PTPRZ1: variants seen among roughly 807,000 people sequenced by gnomAD.
The protein encoded by PTPRZ1 is receptor-type tyrosine-protein phosphatase zeta.
In PTPRZ1, 82 loss-of-function variants were observed where a neutral mutation model predicts 214.1. The ratio of observed to expected loss-of-function variants is 0.38; its 90% confidence interval spans 0.32 to 0.46. The LOEUF (loss-of-function observed/expected upper bound fraction) is 0.46. Among genes scored for constraint, PTPRZ1 ranks in the 20% least tolerant of loss-of-function variants. PTPRZ1 has a pLI of 1.00. For synonymous variants in PTPRZ1, 945 were observed against 987.9 expected (o/e 0.96, Z 0.81); for missense variants, 2,603 against 2,748.7 (o/e 0.95, Z 1.19).
chr7:122,021,739 C>CAAA (rs144413577), intron 13 of PTPRZ1, among the ~76,000 whole-genome samples: 1 of 147,566 alleles, frequency 6.8e-6, no homozygotes, highest in Non-Finnish European at 1.5e-5. Context: ...GACACTGTCT[C>CAAA]AAAAAAAAAA....
intron 12 of PTPRZ1, among the ~76,000 whole-genome samples, chr7:122,015,661 A>G (rs1235596956): frequency 6.6e-6 from 1 of 152,082 alleles, no homozygotes; most frequent in Admixed American, 6.5e-5. Flanking sequence ...CTTACCAGGT[A>G]GTGACATTGA....
At chr7:122,041,864 G>A (rs1300630455) in intron 21 of PTPRZ1, among the ~76,000 whole-genome samples, 1 of 152,182 alleles carries the variant, frequency 6.6e-6, no homozygotes, top group Non-Finnish European at 1.5e-5. Context: ...ATTATAAACT[G>A]AGGAAAACAG....
chr7:121,883,438 G>A (rs1794301620), intron 1 of PTPRZ1, among the ~76,000 whole-genome samples: 1 of 152,134 alleles, frequency 6.6e-6, no homozygotes, highest in Non-Finnish European at 1.5e-5. Context: ...ATTTCAGCCA[G>A]CATTCTGCCA....
chr7:121,903,192 G>A (rs1200873480), intron 1 of PTPRZ1, among the ~76,000 whole-genome samples: 1 of 152,094 alleles, frequency 6.6e-6, no homozygotes, highest in African/African-American at 2.4e-5. Context: ...TTAAGGTTGG[G>A]CAACTGTGTT....
At chr7:121,972,369 T>G (rs568451010) in intron 3 of PTPRZ1, among the ~76,000 whole-genome samples, 172 bp from the exon 4 acceptor site, 1 of 152,166 alleles carries the variant, frequency 6.6e-6, no homozygotes, top group Non-Finnish European at 1.5e-5. Flanking sequence ...CAATAAGATA[T>G]AAGTATATTG....
chr7:121,900,655 C>G (rs962172857), intron 1 of PTPRZ1, among the ~76,000 whole-genome samples: 1 of 152,080 alleles, frequency 6.6e-6, no homozygotes, highest in Non-Finnish European at 1.5e-5. Flanking sequence ...GTCATGCTGC[C>G]CAATTTATTC....
At chr7:121,879,399 T>C (rs1259734486) in intron 1 of PTPRZ1, among the ~76,000 whole-genome samples, 1 of 152,110 alleles carries the variant, frequency 6.6e-6, no homozygotes, top group Non-Finnish European at 1.5e-5. Flanking sequence ...ATAAAGTATC[T>C]TGAGCCCATG....
At chr7:121,931,784 G>A (rs1057500264) in intron 2 of PTPRZ1, among the ~76,000 whole-genome samples, 4 of 152,172 alleles carry the variant, frequency 2.6e-5, no homozygotes, top group Non-Finnish European at 4.4e-5. Context: ...TGACAGATGG[G>A]TCTTTGAAGA....
chr7:121,929,296 A>C (rs1280102454), intron 2 of PTPRZ1, among the ~76,000 whole-genome samples: 3 of 152,038 alleles, frequency 2.0e-5, no homozygotes, highest in Non-Finnish European at 2.9e-5. Flanking sequence ...TTAAAATTAT[A>C]TTTATTTCCT....
In PTPRZ1 at chr7:122,019,098, A is replaced by G. The variant is rs761787330; in HGVS notation, c.4844-26A>G. 22 of 1,575,504 alleles carry G rather than the reference A, an allele frequency of 1.4e-5. No individual in the cohort carries two copies. In the East Asian group the frequency reaches 2.0e-4, roughly 15 times the overall value. The stretch of plus-strand genomic sequence containing the variant: ...GACTTTTCCTTCACCTTAAATATCA[A>G]TTCTCTCAATTTTCTCTGACTACAG... On this transcript the variant is annotated intron_variant, in intron 12 of 29. Coordinates refer to ENST00000393386, the MANE Select transcript of PTPRZ1 (RefSeq NM_002851.3).
At chr7:121,967,814 T>C (rs1484082782) in intron 2 of PTPRZ1, 137 bp from the exon 3 acceptor site, 4 of 603,972 alleles carry the variant, frequency 6.6e-6, no homozygotes, top group Non-Finnish European at 1.1e-5. Flanking sequence ...CATAATTATT[T>C]CATGCATTAG....
intron 2 of PTPRZ1, among the ~76,000 whole-genome samples, chr7:121,933,153 GAAAA>G (rs35284916): frequency 7.5e-6 from 1 of 132,788 alleles, no homozygotes; most frequent in Admixed American, 7.6e-5. Context: ...ACAGTTCAGT[GAAAA>G]AAAAAAAAAA....
At chr7:122,059,567 C>G in intron 28 of PTPRZ1, 186 bp from the exon 29 acceptor site, 1 of 635,100 alleles carries the variant, frequency 1.6e-6, no homozygotes, top group Non-Finnish European at 2.6e-6. Context: ...CTATTGATAT[C>G]ATGAACACTT....
chr7:121,873,592 G>A, intron 1 of PTPRZ1, 35 bp downstream of exon 1: 1 of 1,608,474 alleles, frequency 6.2e-7, no homozygotes, highest in East Asian at 2.2e-5. Context: ...TTTCAGCTCC[G>A]GGATCGGTGG....
At chr7:122,029,276 T>C (rs1196793667) in intron 14 of PTPRZ1, among the ~76,000 whole-genome samples, 1 of 152,006 alleles carries the variant, frequency 6.6e-6, no homozygotes, top group African/African-American at 2.4e-5. Flanking sequence ...ATAACAGTAT[T>C]CAAAGGTAGC....
intron 20 of PTPRZ1, among the ~76,000 whole-genome samples, chr7:122,040,367 C>T (rs539881579): frequency 9.8e-5 from 15 of 152,336 alleles, no homozygotes; most frequent in Admixed American, 9.8e-4. Context: ...GACAGGCTGG[C>T]AGCCTAGAAA....
rs563714667 is a variant in PTPRZ1 at position 121,922,232 on chromosome 7, A to G, written c.59-5924A>G. On this transcript the variant is annotated intron_variant, in intron 1 of 29. Coordinates refer to ENST00000393386, the MANE Select transcript of PTPRZ1 (RefSeq NM_002851.3). ...TGAAGATACAAAGTATTTAATAACC[A>G]GGTGATGTGTTCATAGGTGTTCTTT... Among the ~76,000 whole-genome samples, 6 of 152,336 alleles carry G rather than the reference A, an allele frequency of 3.9e-5. No homozygotes were observed. The South Asian group carries it at 1.2e-3, about 32-fold the overall frequency.
chr7:121,975,341 A>G (rs758464416), intron 4 of PTPRZ1, among the ~76,000 whole-genome samples: 5 of 152,198 alleles, frequency 3.3e-5, no homozygotes, highest in Non-Finnish European at 7.3e-5. Context: ...GTCTTGCCTA[A>G]TAGGCCTTTG....
At chr7:121,925,095 A>C (rs1437592398) in intron 1 of PTPRZ1, among the ~76,000 whole-genome samples, 2 of 152,022 alleles carry the variant, frequency 1.3e-5, no homozygotes, top group African/African-American at 4.8e-5. Context: ...GAAGGCAGGG[A>C]CCCCGCATTA....
Sources: allele counts gnomAD v4.1 joint callset (sites outside exome capture counted in the v4.1 genomes callset), GRCh38; gene constraint gnomAD v4.1.1; transcripts MANE v1.5; gene names NCBI Gene and HGNC (gene_info 2026-07-23, HGNC 2026-07-21).